Variants in NUP160 observed in about 807,000 individuals in gnomAD.
NUP160 encodes nuclear pore complex protein Nup160.
A neutral mutation model predicts 196.9 loss-of-function variants in NUP160; 94 were observed. That is an observed-to-expected ratio of 0.48 (90% CI 0.40 to 0.57). The LOEUF (loss-of-function observed/expected upper bound fraction) is 0.57. Ranked by LOEUF, NUP160 falls within the 20% of genes least tolerant of loss-of-function variation. The pLI, the probability that NUP160 is intolerant of heterozygous loss-of-function variation, is 0.00. For synonymous variants in NUP160, 605 were observed against 619.7 expected (o/e 0.98, Z 0.35); for missense variants, 1,638 against 1,748.3 (o/e 0.94, Z 1.13).
intron 13 of NUP160, among the ~76,000 whole-genome samples, chr11:47,814,571 G>A (rs2097683231): frequency 1.3e-5 from 2 of 150,680 alleles, no homozygotes; most frequent in African/African-American, 2.4e-5. Context: ...CCTGGATCAG[G>A]AAAAAAAATT....
chr11:47,778,736 T>C (rs2135333986), exon 36 of NUP160: 1 of 174,216 alleles, frequency 5.7e-6, no homozygotes, highest in Admixed American at 5.6e-5. Flanking sequence ...TTGCAGTGAC[T>C]GCTTTTGGTG....
At chr11:47,797,983 T>C (rs1205008490) in exon 26 of NUP160, 11 of 1,572,694 alleles carry the variant, frequency 7.0e-6, no homozygotes, top group Non-Finnish European at 8.7e-6. Context: ...ATTACCTCAT[T>C]ATGCAGATTC....
chr11:47,778,927 C>T, exon 36 of NUP160: 1 of 523,256 alleles, frequency 1.9e-6, no homozygotes, highest in South Asian at 2.7e-5. Flanking sequence ...GTTAGCACCA[C>T]CAGCAAGCAC....
At chr11:47,794,296 A>G (rs1464601423) in intron 27 of NUP160, among the ~76,000 whole-genome samples, 1 of 152,164 alleles carries the variant, frequency 6.6e-6, no homozygotes, top group East Asian at 1.9e-4. Flanking sequence ...GATCGAGACC[A>G]TCCTGGCCAA....
intron 11 of NUP160, 90 bp downstream of exon 11, chr11:47,817,966 T>C (rs1437013184): frequency 1.5e-6 from 1 of 680,304 alleles, no homozygotes. Context: ...GTACATTCAG[T>C]GTTTAATATA....
At chr11:47,846,898 CT>C (rs1852411546) in intron 2 of NUP160, among the ~76,000 whole-genome samples, 1 of 152,262 alleles carries the variant, frequency 6.6e-6, no homozygotes, top group Admixed American at 6.5e-5. Context: ...GTTTTCCAAC[CT>C]TTGCTCCCCT....
chr11:47,839,640 G>A (rs1032394102), intron 4 of NUP160: 11 of 579,444 alleles, frequency 1.9e-5, no homozygotes, highest in Non-Finnish European at 3.4e-5. Flanking sequence ...TTGTCTATTT[G>A]TTTTTCCGTG....
chr11:47,840,473 C>T (rs1414430328), exon 3 of NUP160: 2 of 1,614,028 alleles, frequency 1.2e-6, no homozygotes, highest in African/African-American at 1.3e-5. Context: ...GTCTCAGAGA[C>T]ATAAACCCCT....
At chr11:47,788,263 G>A (rs867080969) in exon 31 of NUP160, 2 of 1,613,958 alleles carry the variant, frequency 1.2e-6, no homozygotes, top group Non-Finnish European at 1.7e-6. Context: ...AAAGAGGCCC[G>A]CCTGAACCAA....
At chr11:47,838,198 C>T (rs1852215240) in intron 4 of NUP160, among the ~76,000 whole-genome samples, 1 of 152,102 alleles carries the variant, frequency 6.6e-6, no homozygotes, top group African/African-American at 2.4e-5. Flanking sequence ...CCTAAAGGAG[C>T]TGAGGGAATG....
intron 7 of NUP160, among the ~76,000 whole-genome samples, chr11:47,824,062 C>CAT (rs1235857559): frequency 1.6e-5 from 2 of 124,160 alleles, no homozygotes; most frequent in Admixed American, 8.4e-5. Flanking sequence ...TACACACACA[C>CAT]ATAGAAGTGG....
At chr11:47,784,119 CGG>C (rs1245778079) in intron 33 of NUP160, among the ~76,000 whole-genome samples, 2 of 152,098 alleles carry the variant, frequency 1.3e-5, no homozygotes, top group African/African-American at 4.8e-5. Flanking sequence ...ATCCTACTAA[CGG>C]TGGTTCAGAT....
intron 10 of NUP160, 43 bp downstream of exon 10, chr11:47,819,331 A>C: frequency 7.3e-7 from 1 of 1,368,592 alleles, no homozygotes; most frequent in African/African-American, 1.5e-5. Context: ...AAAAAAGATC[A>C]AAGTAAATCA....
chr11:47,826,655 TGGG>T (rs1288347726), intron 7 of NUP160, among the ~76,000 whole-genome samples: 3 of 150,064 alleles, frequency 2.0e-5, no homozygotes, highest in African/African-American at 7.4e-5. Flanking sequence ...ATCTGCCTCC[TGGG>T]TTCAAGCAAT....
In NUP160 at chr11:47,797,900, C is replaced by T. The variant is rs2097671767; in HGVS notation, c.3184-16G>A. 1.3e-6 allele frequency: 2 copies of T among 1,595,994 alleles called. No individual in the cohort carries two copies. Among genetic ancestry groups the T allele is most frequent in the African/African-American group, 1.4e-5 (1 of 73,938 alleles). ...TTCCCACAACCTAGGGAAGGGGAAG[C>T]AATCAGATAACTAAGTCAGTAGCAA... On this transcript the variant is annotated splice_polypyrimidine_tract_variant and intron_variant, in intron 26 of 35. Transcript: ENST00000378460.
chr11:47,793,740 T>G (rs1457026470), intron 27 of NUP160, among the ~76,000 whole-genome samples: 18 of 139,238 alleles, frequency 1.3e-4, no homozygotes, highest in South Asian at 4.8e-4. Context: ...TTTTTTTTTT[T>G]TTTTTTTTTT....
exon 28 of NUP160, chr11:47,792,868 T>G (rs754933075): frequency 4.3e-6 from 7 of 1,614,072 alleles, no homozygotes; most frequent in Non-Finnish European, 5.9e-6. Context: ...CAGATAACAG[T>G]TGCCTTGTTT....
intron 23 of NUP160, 33 bp downstream of exon 23, chr11:47,801,778 G>C: frequency 6.3e-7 from 1 of 1,598,594 alleles, no homozygotes; most frequent in Non-Finnish European, 8.5e-7. Flanking sequence ...TTTTACACAG[G>C]GTGGTATAAG....
At chr11:47,798,845 G>A (rs1196847748) in intron 23 of NUP160, among the ~76,000 whole-genome samples, 1 of 149,718 alleles carries the variant, frequency 6.7e-6, no homozygotes, top group Admixed American at 6.7e-5. Context: ...TCAGTGCCTA[G>A]TATACAGTAG....
Sources: allele counts gnomAD v4.1 joint callset (sites outside exome capture counted in the v4.1 genomes callset), GRCh38; gene constraint gnomAD v4.1.1; transcripts MANE v1.5; gene names NCBI Gene and HGNC (gene_info 2026-07-23, HGNC 2026-07-21).